The following GLIS3 variants were observed in gnomAD, a reference collection of about 807,000 sequenced individuals.
GLIS3 encodes the protein GLIS family zinc finger 3, also known as zinc finger protein GLIS3.
A neutral mutation model predicts 78.6 loss-of-function variants in GLIS3; 53 were observed. The ratio of observed to expected loss-of-function variants is 0.67; its 90% confidence interval spans 0.54 to 0.85. The LOEUF (loss-of-function observed/expected upper bound fraction) is 0.85, where lower values mean the gene tolerates loss of function less well. Among genes scored for constraint, GLIS3 ranks in the 40% least tolerant of loss-of-function variants. GLIS3 has a pLI of 0.00. For synonymous variants in GLIS3, 684 were observed against 509.9 expected (o/e 1.34, Z -4.60); for missense variants, 1,703 against 1,231.1 (o/e 1.38, Z -5.74).
At chr9:4,346,606 C>T (rs1027823308) in intron 2 of GLIS3, among the ~76,000 whole-genome samples, 23 of 152,130 alleles carry the variant, frequency 1.5e-4, no homozygotes, top group African/African-American at 5.6e-4. Flanking sequence ...ACCTTTATGG[C>T]CATCCTTGGT....
intron 2 of GLIS3, among the ~76,000 whole-genome samples, chr9:4,342,447 T>A (rs1178058613): frequency 6.6e-6 from 1 of 152,220 alleles, no homozygotes; most frequent in Non-Finnish European, 1.5e-5. Context: ...TCTGTTCCAT[T>A]GGTCTATGTG....
intron 8 of GLIS3, among the ~76,000 whole-genome samples, chr9:3,862,362 T>A (rs185566911): frequency 1.4e-3 from 211 of 152,332 alleles, no homozygotes; most frequent in African/African-American, 4.9e-3. Context: ...CAATGGCAAG[T>A]GTTGCTCAGT....
chr9:4,226,604 T>A (rs1334679427), intron 2 of GLIS3, among the ~76,000 whole-genome samples: 2 of 152,186 alleles, frequency 1.3e-5, no homozygotes, highest in African/African-American at 4.8e-5. Context: ...TGCTTCCTTC[T>A]GAAGTAGAAC....
intron 2 of GLIS3, among the ~76,000 whole-genome samples, chr9:4,225,955 G>A (rs1347412005): frequency 6.6e-6 from 1 of 152,102 alleles, no homozygotes; most frequent in Non-Finnish European, 1.5e-5. Context: ...ACTTATTAGC[G>A]CCACCTACCT....
rs181064520 is a variant in GLIS3, at chr9:3,905,080, C to G, written c.1984-6245G>C. On this transcript the variant is annotated intron_variant, in intron 6 of 10. Coordinates refer to ENST00000381971, the MANE Select transcript of GLIS3 (RefSeq NM_001042413.2). ...CTCTGCCTCCCAGGTTCATGCCATT[C>G]TCCTGCCTCAGCCTCCCGAGTAGCT... is the stretch of plus-strand genomic sequence containing the variant. 1.8e-3 allele frequency among the ~76,000 whole-genome samples: 271 copies of G among 151,454 alleles called. 1 individual carries two copies. Among genetic ancestry groups the G allele is most frequent in the African/African-American group, 6.3e-3 (261 of 41,246 alleles).
intron 2 of GLIS3, among the ~76,000 whole-genome samples, chr9:4,255,706 G>T: frequency 6.6e-6 from 1 of 152,130 alleles, no homozygotes; most frequent in African/African-American, 2.4e-5. Flanking sequence ...CAAGAGCTAG[G>T]GGAAAGGGAG....
chr9:4,259,340 C>T (rs1396947584), intron 2 of GLIS3, among the ~76,000 whole-genome samples: 1 of 151,932 alleles, frequency 6.6e-6, no homozygotes, highest in African/African-American at 2.4e-5. Context: ...GCAGTCAGAT[C>T]CCTTCCACCT....
intron 6 of GLIS3, among the ~76,000 whole-genome samples, chr9:3,913,778 T>G (rs1380273052): frequency 6.6e-6 from 1 of 152,250 alleles, no homozygotes; most frequent in Non-Finnish European, 1.5e-5. Flanking sequence ...AGAAATTATA[T>G]CAATATGTGT....
chr9:3,941,737 C>G (rs1370910780), intron 4 of GLIS3, among the ~76,000 whole-genome samples: 1 of 152,210 alleles, frequency 6.6e-6, no homozygotes, highest in Non-Finnish European at 1.5e-5. Flanking sequence ...TGAAGCCTCA[C>G]TTTGAGAGAG....
intron 1 of GLIS3, among the ~76,000 whole-genome samples, chr9:4,296,905 A>G: frequency 1.3e-4 from 1 of 7,844 alleles, no homozygotes; most frequent in Non-Finnish European, 2.7e-4. Flanking sequence ...CTCAATTGCA[A>G]AAAAAAAAAA....
At chr9:4,439,822 G>A in the GLIS3 span, among the ~76,000 whole-genome samples, 2 of 152,118 alleles carry the variant, frequency 1.3e-5, no homozygotes, top group African/African-American at 4.8e-5. Context: ...GGGATTACAG[G>A]AACACCCTAC....
At chr9:4,158,689 A>C (rs1174109238) in intron 2 of GLIS3, among the ~76,000 whole-genome samples, 1 of 152,248 alleles carries the variant, frequency 6.6e-6, no homozygotes. Flanking sequence ...ATATTAACCA[A>C]GGATACAATG....
At chr9:3,967,070 T>A (rs1287496559) in intron 4 of GLIS3, among the ~76,000 whole-genome samples, 2 of 140,952 alleles carry the variant, frequency 1.4e-5, no homozygotes, top group East Asian at 4.6e-4. Context: ...ATCAGGTACA[T>A]GATTGATACT....
chr9:4,043,805 T>C (rs1825026629), intron 4 of GLIS3, among the ~76,000 whole-genome samples: 1 of 151,796 alleles, frequency 6.6e-6, no homozygotes, highest in Non-Finnish European at 1.5e-5. Context: ...GAGAGAAGAG[T>C]AATTATTTCC....
At chr9:3,929,231 T>C (rs1825456225) in intron 6 of GLIS3, among the ~76,000 whole-genome samples, 1 of 152,196 alleles carries the variant, frequency 6.6e-6, no homozygotes. Context: ...ATGAAAGAAG[T>C]CTGTACATCG....
intron 2 of GLIS3, among the ~76,000 whole-genome samples, chr9:4,174,968 G>T (rs1816691326): frequency 6.6e-6 from 1 of 152,216 alleles, no homozygotes; most frequent in African/African-American, 2.4e-5. Context: ...CTCAGAAATA[G>T]GTCAAGGGTG....
intron 2 of GLIS3, among the ~76,000 whole-genome samples, chr9:4,167,563 G>A (rs185861916): frequency 5.6e-4 from 86 of 152,230 alleles, no homozygotes; most frequent in Admixed American, 2.0e-3. Context: ...GTACACAACA[G>A]GTGCCCAATA....
intron 4 of GLIS3, among the ~76,000 whole-genome samples, chr9:3,964,187 C>T (rs916739708): frequency 6.6e-6 from 1 of 152,086 alleles, no homozygotes; most frequent in Admixed American, 6.6e-5. Flanking sequence ...TTTACAGAAT[C>T]ATCATAAATG....
chr9:4,033,654 A>G (rs539564100), intron 4 of GLIS3, among the ~76,000 whole-genome samples: 15 of 152,236 alleles, frequency 9.9e-5, no homozygotes, highest in Admixed American at 3.3e-4. Context: ...CTATTCAATC[A>G]AAATCTCTAG....
Sources: gnomAD v4.1 joint callset for allele counts (sites outside exome capture counted in the v4.1 genomes callset) on GRCh38, gnomAD v4.1.1 for gene constraint, MANE v1.5 for transcripts, NCBI Gene and HGNC (gene_info 2026-07-23, HGNC 2026-07-21) for gene names.